The following DNM2 variants were observed in gnomAD, a reference collection of about 807,000 sequenced individuals.
DNM2 encodes dynamin-2.
In DNM2, 15 loss-of-function variants were observed where a neutral mutation model predicts 99.0. That is an observed-to-expected ratio of 0.15 (90% CI 0.10 to 0.23). The LOEUF is 0.23. DNM2 is among the 10% of genes least tolerant of loss of function. The pLI is 1.00. For synonymous variants in DNM2, 525 were observed against 481.2 expected, an observed-to-expected ratio of 1.09 and a Z score of -1.19; for missense variants, 742 against 1,189.4, an observed-to-expected ratio of 0.62 and a Z score of 5.53.
intron 1 of DNM2, among the ~76,000 whole-genome samples, chr19:10,740,272 A>G (rs920671603): frequency 6.6e-6 from 1 of 151,556 alleles, no homozygotes; most frequent in Admixed American, 6.6e-5. Flanking sequence ...TTTCTTCTCT[A>G]ATTATTTCCT....
At position 10,782,172 on chromosome 19, in the gene DNM2, A is replaced by G. The variant is rs185039616; in HGVS notation, c.689-788A>G. ...CTCAGCCTCCCAGGTAGCTGGGACT[A>G]TACACGTGTGCTACCACGCCTCGCT... On this transcript the variant is annotated intron_variant, in intron 5 of 20. Transcript: ENST00000389253. Among the ~76,000 whole-genome samples, 227 of 152,072 alleles carry G rather than the reference A, an allele frequency of 1.5e-3. 1 individual carries two copies. The highest frequency in any genetic ancestry group is 5.4e-3 in the African/African-American group (222 of 41,482).
At chr19:10,794,484 C>T (rs139879875) in intron 8 of DNM2, among the ~76,000 whole-genome samples, 1 of 152,220 alleles carries the variant, frequency 6.6e-6, no homozygotes, top group Non-Finnish European at 1.5e-5. Flanking sequence ...TGCAGTGGCT[C>T]ACGCCTATAA....
At chr19:10,751,917 C>T (rs940785190) in intron 1 of DNM2, among the ~76,000 whole-genome samples, 4 of 152,266 alleles carry the variant, frequency 2.6e-5, no homozygotes, top group African/African-American at 9.6e-5. Context: ...CTTGGCCAGT[C>T]GCCATGAGAG....
intron 1 of DNM2, among the ~76,000 whole-genome samples, chr19:10,727,356 T>G (rs928745138): frequency 2.0e-5 from 3 of 151,214 alleles, no homozygotes; most frequent in African/African-American, 7.3e-5. Flanking sequence ...TTTTCTTTTC[T>G]TTTCTTTTTC....
intron 2 of DNM2, among the ~76,000 whole-genome samples, chr19:10,768,232 T>C (rs2070863106): frequency 1.3e-5 from 2 of 152,036 alleles, no homozygotes. Context: ...GGCGGGTAGA[T>C]CACGAGGTCA....
chr19:10,751,149 T>G (rs954894887), intron 1 of DNM2, among the ~76,000 whole-genome samples: 3 of 150,366 alleles, frequency 2.0e-5, no homozygotes, highest in Non-Finnish European at 4.4e-5. Flanking sequence ...GAGGTGTGAA[T>G]GGGGGTGAGA....
chr19:10,718,294 G>C lies in DNM2; in HGVS notation c.52G>C (p.Asp18His). ...ELIPLVNKLQ[D>H]AFSSIGQSCH... ...GATCCCGCTGGTCAACAAACTGCAG[G>C]ACGCCTTCAGCTCCATCGGCCAGAG... is the stretch of plus-strand genomic sequence containing the variant. Residue 18 changes from aspartate (D) to histidine (H), a missense_variant, in exon 1 of 21, where the codon GAC becomes CAC. Physicochemically the swap from Asp to His is moderately conservative, Grantham distance 81 (BLOSUM62 -1). Coordinates refer to ENST00000389253, the MANE Select transcript of DNM2 (RefSeq NM_001005361.3). 2 of 1,504,364 alleles carry C rather than the reference G, an allele frequency of 1.3e-6. No homozygotes were observed. The highest frequency in any genetic ancestry group is 1.8e-6 in the Non-Finnish European group (2 of 1,126,752). The allele number at this position is 1,504,364 out of a possible 1,614,324, so 93.2% of individuals were successfully genotyped here.
intron 15 of DNM2, among the ~76,000 whole-genome samples, chr19:10,813,766 TG>T (rs933027817): frequency 1.5e-4 from 22 of 149,144 alleles, no homozygotes; most frequent in African/African-American, 5.5e-4. Context: ...ATGGAGGCTG[TG>T]GTGAGCTATG....
At position 10,796,434 on chromosome 19, in the gene DNM2, C is replaced by G. The variant is rs1184656992; in HGVS notation, c.1197-946C>G. On this transcript the variant is annotated intron_variant, in intron 9 of 20. Coordinates refer to ENST00000389253, the MANE Select transcript of DNM2 (RefSeq NM_001005361.3). The surrounding 1 kb of genome is among the most constrained non-coding windows in gnomAD (Gnocchi z 5.6). ...CTGGCCAGACAGATGCACAGTTGTC[C>G]CTGGGACCCTGATACCAAGCCTAGC... Among the ~76,000 whole-genome samples the G allele has an allele frequency of 6.6e-6, 1 of 152,072 alleles. No individual in the cohort carries two copies. Among genetic ancestry groups the G allele is most frequent in the Non-Finnish European group, 1.5e-5 (1 of 67,980 alleles).
intron 3 of DNM2, among the ~76,000 whole-genome samples, chr19:10,773,688 G>A (rs925030355): frequency 1.3e-5 from 2 of 150,450 alleles, no homozygotes; most frequent in African/African-American, 4.9e-5. Context: ...GGCTGGTCTC[G>A]AACTCCTGAG....
chr19:10,733,149 G>T (rs1192188866), intron 1 of DNM2, among the ~76,000 whole-genome samples: 1 of 150,332 alleles, frequency 6.7e-6, no homozygotes, highest in African/African-American at 2.4e-5. Context: ...CTCCCAAAGT[G>T]CTGGGATTAC....
At position 10,772,746 on chromosome 19, in the gene DNM2, A is replaced by G; in HGVS notation, c.385+118A>G. 1 of 1,445,794 alleles carries G rather than the reference A, an allele frequency of 6.9e-7. No homozygotes were observed. Among genetic ancestry groups the G allele is most frequent in the South Asian group, 1.2e-5 (1 of 83,506 alleles). The allele number at this position is 1,445,794 out of a possible 1,614,324, so 89.6% of individuals were successfully genotyped here. A position where few individuals can be genotyped will look rare whatever the true frequency, so the allele number is the denominator to read the frequency against. ...TCATGTGCCCATTCACAAACAGTTG[A>G]TATTCACACACACATAGCCCCTTGA... On this transcript the variant is annotated intron_variant, in intron 3 of 20. Coordinates refer to ENST00000389253, the MANE Select transcript of DNM2 (RefSeq NM_001005361.3). The surrounding 1 kb of genome is among the most constrained non-coding windows in gnomAD (Gnocchi z 4.9).
chr19:10,743,743 GAGC>G (rs2069848060), intron 1 of DNM2, among the ~76,000 whole-genome samples: 1 of 148,914 alleles, frequency 6.7e-6, no homozygotes, highest in South Asian at 2.1e-4. Flanking sequence ...CCGGGAGGCG[GAGC>G]TTGCAGTGAG....
intron 14 of DNM2, chr19:10,810,274 C>T (rs1208607997): frequency 6.5e-6 from 1 of 152,814 alleles, no homozygotes; most frequent in African/African-American, 2.4e-5. Flanking sequence ...CTGTCTCTCC[C>T]ACCCCTACTT....
chr19:10,780,522 C>T (rs902026444), intron 5 of DNM2, among the ~76,000 whole-genome samples: 4 of 152,286 alleles, frequency 2.6e-5, no homozygotes, highest in African/African-American at 7.2e-5. Flanking sequence ...GAAGGCGCTT[C>T]CACTCTCAGC....
In DNM2 at chr19:10,831,114, G is replaced by A. The variant is rs2073337428; in HGVS notation, c.*67G>A. ...GCGGCGCAGGAGCTTCAGTGGTCTG[G>A]GGCCCTCCGCCGCCCCTATGCTGGG... is the stretch of plus-strand genomic sequence containing the variant. On this transcript the variant is annotated 3_prime_UTR_variant, in exon 21 of 21. Coordinates refer to ENST00000389253, the MANE Select transcript of DNM2 (RefSeq NM_001005361.3). The surrounding 1 kb of genome is among the most constrained non-coding windows in gnomAD (Gnocchi z 4.3). 4 of 1,524,000 alleles carry A rather than the reference G, an allele frequency of 2.6e-6. No homozygotes were observed. Among genetic ancestry groups the A allele is most frequent in the East Asian group, 2.5e-5 (1 of 40,192 alleles). The allele number at this position is 1,524,000 out of a possible 1,614,324, so 94.4% of individuals were successfully genotyped here. A position where few individuals can be genotyped will look rare whatever the true frequency, so the allele number is the denominator to read the frequency against.
chr19:10,745,472 C>T (rs1418805456), intron 1 of DNM2, among the ~76,000 whole-genome samples: 3 of 152,158 alleles, frequency 2.0e-5, no homozygotes, highest in Non-Finnish European at 4.4e-5. Context: ...CGCTTGAAAT[C>T]CCAGGGCTTT....
chr19:10,798,703 G>A (rs561960721), intron 11 of DNM2, 131 bp downstream of exon 11: 130 of 802,812 alleles, frequency 1.6e-4, no homozygotes, highest in African/African-American at 1.3e-3. Flanking sequence ...GAGCGGTTCC[G>A]TCACCTCCTA....
At chr19:10,825,251 G>A in intron 18 of DNM2, 30 bp downstream of exon 18, 1 of 1,612,452 alleles carries the variant, frequency 6.2e-7, no homozygotes. Flanking sequence ...TGAGAAGGAG[G>A]TAGCTGGGTG....
Sources: allele counts gnomAD v4.1 joint callset (sites outside exome capture counted in the v4.1 genomes callset), GRCh38; gene constraint gnomAD v4.1.1; non-coding constraint Gnocchi (gnomAD v3.1); transcripts MANE v1.5; gene names NCBI Gene and HGNC (gene_info 2026-07-23, HGNC 2026-07-21).